SERTM1: variants seen among roughly 807,000 people sequenced by gnomAD.
SERTM1 encodes serine-rich and transmembrane domain-containing protein 1.
In SERTM1, 1 loss-of-function variant was observed where a neutral mutation model predicts 5.5. The ratio of observed to expected loss-of-function variants is 0.18; its 90% confidence interval spans 0.06 to 0.86. The LOEUF (loss-of-function observed/expected upper bound fraction) is 0.86, where lower values mean the gene tolerates loss of function less well. Ranked by LOEUF, SERTM1 falls within the 40% of genes least tolerant of loss-of-function variation. SERTM1 has a pLI of 0.69. For synonymous variants in SERTM1, 52 were observed against 55.1 expected (o/e 0.94, Z 0.25); for missense variants, 91 against 122.4 (o/e 0.74, Z 1.21).
intron 1 of SERTM1, among the ~76,000 whole-genome samples, chr13:36,694,665 T>C (rs994877625): frequency 6.6e-6 from 1 of 152,206 alleles, no homozygotes; most frequent in Non-Finnish European, 1.5e-5. Flanking sequence ...TCCCTTTTAT[T>C]TTATCTTCAG....
At chr13:36,685,161 T>C (rs944707087) in intron 1 of SERTM1, among the ~76,000 whole-genome samples, 32 of 152,204 alleles carry the variant, frequency 2.1e-4, no homozygotes, top group African/African-American at 7.2e-4. Flanking sequence ...TGTTCCATGT[T>C]ATGAGGAACA....
Position 36,695,900 on chromosome 13 carries a change from A to G in SERTM1, c.*498A>G, listed in dbSNP as rs941547001. The stretch of plus-strand genomic sequence containing the variant: ...AGTCAATTTAGATTTAATGTATGAC[A>G]TTTCTAAAACTGAGGGTAAATATAT... On this transcript the variant is annotated 3_prime_UTR_variant, in exon 2 of 2. Transcript: ENST00000315190. 18 of 168,020 alleles carry G rather than the reference A, an allele frequency of 1.1e-4. No individual in the cohort carries two copies. Among genetic ancestry groups the G allele is most frequent in the Non-Finnish European group, 2.5e-4 (17 of 68,856 alleles). The allele number at this position is 168,020 out of a possible 1,614,324, so 10.4% of individuals were successfully genotyped here. A position where few individuals can be genotyped will look rare whatever the true frequency, so the allele number is the denominator to read the frequency against.
chr13:36,690,704 T>G (rs2056772324), intron 1 of SERTM1, among the ~76,000 whole-genome samples: 1 of 152,244 alleles, frequency 6.6e-6, no homozygotes, highest in African/African-American at 2.4e-5. Context: ...ATATTCATTT[T>G]TAGGTGTTCT....
intron 1 of SERTM1, among the ~76,000 whole-genome samples, chr13:36,681,578 TATA>T (rs1202582654): frequency 6.6e-6 from 1 of 152,226 alleles, no homozygotes; most frequent in Non-Finnish European, 1.5e-5. Flanking sequence ...TGTAGTGAAT[TATA>T]ATAAGCTTCC....
chr13:36,676,625 C>T (rs2056671512), intron 1 of SERTM1, among the ~76,000 whole-genome samples: 2 of 149,778 alleles, frequency 1.3e-5, no homozygotes, highest in East Asian at 2.0e-4. Context: ...TCATGGTACC[C>T]ATAAGCCATT....
chr13:36,693,702 G>C (rs9594164), intron 1 of SERTM1, among the ~76,000 whole-genome samples: 1 of 152,164 alleles, frequency 6.6e-6, no homozygotes, highest in Non-Finnish European at 1.5e-5. Flanking sequence ...GAAGGAAAAG[G>C]CAAGTTCTCC....
chr13:36,676,286 A>G (rs182584532), intron 1 of SERTM1, among the ~76,000 whole-genome samples: 9 of 152,086 alleles, frequency 5.9e-5, no homozygotes, highest in Non-Finnish European at 1.2e-4. Context: ...AAAAAGAAAG[A>G]CTAACTCATC....
rs976487760 is a variant in SERTM1, at chr13:36,674,113, G to C, written c.-245G>C. 1.3e-5 allele frequency: 2 copies of C among 152,246 alleles called. No individual in the cohort carries two copies. Among genetic ancestry groups the C allele is most frequent in the Non-Finnish European group, 2.9e-5 (2 of 68,090 alleles). 9.4% of individuals were successfully genotyped at this position (152,246 alleles called of 1,614,324 possible). ...GAGGACGGCTTCGCGGGCGCGTATC[G>C]TCCAGACCGGAGCACCGCCCCACCG... On this transcript the variant is annotated 5_prime_UTR_variant, in exon 1 of 2. Coordinates refer to ENST00000315190, the MANE Select transcript of SERTM1 (RefSeq NM_203451.3).
intron 1 of SERTM1, among the ~76,000 whole-genome samples, chr13:36,674,462 G>T (rs2056657588): frequency 6.6e-6 from 1 of 152,156 alleles, no homozygotes; most frequent in Non-Finnish European, 1.5e-5. Flanking sequence ...GCCGCGAGGG[G>T]CCCTGAGTGC....
intron 1 of SERTM1, among the ~76,000 whole-genome samples, chr13:36,691,072 G>A (rs2056774837): frequency 6.6e-6 from 1 of 152,218 alleles, no homozygotes; most frequent in Non-Finnish European, 1.5e-5. Context: ...CCATATTTGA[G>A]GCTGACTGGT....
chr13:36,689,390 C>T (rs1229977705), intron 1 of SERTM1, among the ~76,000 whole-genome samples: 9 of 151,524 alleles, frequency 5.9e-5, no homozygotes, highest in East Asian at 1.9e-4. Context: ...CTGTAATCCC[C>T]GCTACTAGGG....
At chr13:36,693,532 G>T (rs1040542413) in intron 1 of SERTM1, among the ~76,000 whole-genome samples, 3 of 151,924 alleles carry the variant, frequency 2.0e-5, no homozygotes, top group Non-Finnish European at 4.4e-5. Context: ...GCCTACTCAA[G>T]AACTCACTAG....
At chr13:36,687,778 C>T (rs1302676060) in intron 1 of SERTM1, among the ~76,000 whole-genome samples, 1 of 151,952 alleles carries the variant, frequency 6.6e-6, no homozygotes, top group Admixed American at 6.6e-5. Flanking sequence ...ACAACAACAA[C>T]AACGTAATAA....
intron 1 of SERTM1, among the ~76,000 whole-genome samples, chr13:36,679,167 C>A (rs2056687977): frequency 6.6e-6 from 1 of 152,140 alleles, no homozygotes; most frequent in African/African-American, 2.4e-5. Context: ...TTTACTAATG[C>A]ATGTTGAGCA....
At chr13:36,676,117 T>G (rs144669685) in intron 1 of SERTM1, among the ~76,000 whole-genome samples, 1 of 152,184 alleles carries the variant, frequency 6.6e-6, no homozygotes, top group African/African-American at 2.4e-5. Flanking sequence ...GCATGTGGCA[T>G]CAAATCCACG....
chr13:36,685,537 C>G (rs1340538054), intron 1 of SERTM1, among the ~76,000 whole-genome samples: 2 of 152,354 alleles, frequency 1.3e-5, no homozygotes, highest in Non-Finnish European at 2.9e-5. Flanking sequence ...GGGAAAAGCA[C>G]TATTCATATA....
chr13:36,679,344 A>G (rs530011866), intron 1 of SERTM1, among the ~76,000 whole-genome samples: 1 of 152,296 alleles, frequency 6.6e-6, no homozygotes, highest in Admixed American at 6.5e-5. Context: ...TGATACAAGT[A>G]TTCTTGAGAT....
intron 1 of SERTM1, among the ~76,000 whole-genome samples, chr13:36,686,145 C>T (rs548442712): frequency 6.6e-6 from 1 of 152,316 alleles, no homozygotes; most frequent in East Asian, 1.9e-4. Context: ...AGTCACCATT[C>T]TTGGTCTTCA....
chr13:36,693,238 G>T (rs1340579338), intron 1 of SERTM1, among the ~76,000 whole-genome samples: 1 of 152,084 alleles, frequency 6.6e-6, no homozygotes, highest in African/African-American at 2.4e-5. Flanking sequence ...AATCTGTGAG[G>T]CTTCTATCCT....
Sources: allele counts gnomAD v4.1 joint callset (sites outside exome capture counted in the v4.1 genomes callset), GRCh38; gene constraint gnomAD v4.1.1; transcripts MANE v1.5; gene names NCBI Gene and HGNC (gene_info 2026-07-23, HGNC 2026-07-21).